The following FREM1 variants were observed in gnomAD, a reference collection of about 807,000 sequenced individuals.
FREM1 encodes the protein FRAS1 related extracellular matrix 1.
Under a neutral mutation model 210.1 loss-of-function variants are expected in FREM1, and 220 were observed. That is an observed-to-expected ratio of 1.05 (90% CI 0.94 to 1.17). The LOEUF is 1.17. Among genes scored for constraint, FREM1 ranks in the 50% most tolerant of loss-of-function variants. The pLI, the probability that FREM1 is intolerant of heterozygous loss-of-function variation, is 0.00. For synonymous variants in FREM1, 1,189 were observed against 980.2 expected (o/e 1.21, Z -3.98); for missense variants, 3,454 against 2,675.5 (o/e 1.29, Z -6.42).
At chr9:14,795,030 A>T in intron 21 of FREM1, among the ~76,000 whole-genome samples, 1 of 151,958 alleles carries the variant, frequency 6.6e-6, no homozygotes, top group Non-Finnish European at 1.5e-5. Context: ...AAAAGAAAGA[A>T]AGAAAAAAAT....
chr9:14,874,005 T>C (rs1833217343), intron 1 of FREM1, among the ~76,000 whole-genome samples: 1 of 152,260 alleles, frequency 6.6e-6, no homozygotes, highest in Non-Finnish European at 1.5e-5. Context: ...TCCTGAGTTC[T>C]AGTTTCATTG....
At chr9:14,847,726 T>C (rs534971765) in intron 7 of FREM1, among the ~76,000 whole-genome samples, 1 of 152,310 alleles carries the variant, frequency 6.6e-6, no homozygotes, top group African/African-American at 2.4e-5. Context: ...GATTCTGATG[T>C]TCAAAGCAGC....
chr9:14,760,662 T>C (rs1845324879), intron 27 of FREM1, among the ~76,000 whole-genome samples: 1 of 152,118 alleles, frequency 6.6e-6, no homozygotes, highest in African/African-American at 2.4e-5. Flanking sequence ...GTTAAGTAAC[T>C]AACTTAAAGG....
At chr9:14,749,256 T>C (rs1373628494) in intron 30 of FREM1, among the ~76,000 whole-genome samples, 2 of 152,134 alleles carry the variant, frequency 1.3e-5, no homozygotes, top group Admixed American at 1.3e-4. Flanking sequence ...GTATTTTATG[T>C]ACTTCATGTG....
At chr9:14,792,521 G>A (rs778933081) in intron 22 of FREM1, among the ~76,000 whole-genome samples, 5 of 152,140 alleles carry the variant, frequency 3.3e-5, no homozygotes, top group Non-Finnish European at 5.9e-5. Flanking sequence ...TAATCCTACG[G>A]GAGAGGGAGC....
At chr9:14,744,107 C>CA (rs760975830) in intron 35 of FREM1, among the ~76,000 whole-genome samples, 2 of 151,720 alleles carry the variant, frequency 1.3e-5, no homozygotes, top group Non-Finnish European at 2.9e-5. Flanking sequence ...ACTTATCAAC[C>CA]AAAAAAACCC....
At chr9:14,791,215 C>G (rs1851250567) in intron 22 of FREM1, 1 of 152,170 alleles carries the variant, frequency 6.6e-6, no homozygotes, top group Admixed American at 6.5e-5. Context: ...CCTTGGGCAT[C>G]ATGCACACAG....
chr9:14,888,799 G>T (rs1211257895), intron 1 of FREM1, among the ~76,000 whole-genome samples: 1 of 151,984 alleles, frequency 6.6e-6, no homozygotes, highest in Admixed American at 6.6e-5. Context: ...AGAAATCATC[G>T]AGGCCATATT....
intron 10 of FREM1, among the ~76,000 whole-genome samples, chr9:14,828,284 A>T (rs1481336722): frequency 6.6e-6 from 1 of 152,220 alleles, no homozygotes; most frequent in East Asian, 1.9e-4. Context: ...GAGTCAAAGA[A>T]GATTATTCAC....
chr9:14,900,654 C>T (rs976861831), intron 1 of FREM1, among the ~76,000 whole-genome samples: 13 of 152,124 alleles, frequency 8.5e-5, no homozygotes, highest in Admixed American at 8.5e-4. Flanking sequence ...TAAAGAAAGA[C>T]AGGACGCTCC....
intron 1 of FREM1, among the ~76,000 whole-genome samples, chr9:14,883,948 G>A (rs995509434): frequency 6.6e-6 from 1 of 152,176 alleles, no homozygotes. Context: ...TAGCCACCTC[G>A]GACTTGATTC....
At chr9:14,908,127 T>C (rs1818103917) in intron 1 of FREM1, among the ~76,000 whole-genome samples, 1 of 152,112 alleles carries the variant, frequency 6.6e-6, no homozygotes, top group Non-Finnish European at 1.5e-5. Flanking sequence ...TTAATATAAA[T>C]ATTAAACGCC....
At chr9:14,808,991 TTCCCCCG>T (rs1315478283) in intron 16 of FREM1, among the ~76,000 whole-genome samples, 1 of 152,190 alleles carries the variant, frequency 6.6e-6, no homozygotes, top group African/African-American at 2.4e-5. Flanking sequence ...GGTTTGGTTG[TTCCCCCG>T]CTCAAATCTC....
intron 10 of FREM1, among the ~76,000 whole-genome samples, chr9:14,831,446 A>G (rs1823539258): frequency 6.6e-6 from 1 of 152,220 alleles, no homozygotes; most frequent in Non-Finnish European, 1.5e-5. Context: ...GCTTTTAACA[A>G]TTAAGAGTAA....
chr9:14,767,064 A>G (rs2132419132), intron 27 of FREM1, among the ~76,000 whole-genome samples: 1 of 152,304 alleles, frequency 6.6e-6, no homozygotes, highest in East Asian at 1.9e-4. Flanking sequence ...TTTCTAAACA[A>G]ATTGTAGTAT....
At chr9:14,847,531 G>A (rs942456207) in intron 7 of FREM1, among the ~76,000 whole-genome samples, 5 of 152,094 alleles carry the variant, frequency 3.3e-5, no homozygotes, top group Admixed American at 2.0e-4. Flanking sequence ...TTGGAAGCCA[G>A]GAGTGCATAG....
At chr9:14,892,801 C>T (rs945402301) in intron 1 of FREM1, among the ~76,000 whole-genome samples, 1 of 152,172 alleles carries the variant, frequency 6.6e-6, no homozygotes, top group Non-Finnish European at 1.5e-5. Context: ...TCCCTGGGCT[C>T]TTCACCTTCC....
intron 25 of FREM1, 50 bp from the exon 26 acceptor site, chr9:14,770,856 C>A: frequency 7.2e-7 from 1 of 1,379,974 alleles, no homozygotes; most frequent in South Asian, 1.3e-5. Flanking sequence ...CCCTCACCCC[C>A]ATGCAACGTT....
chr9:14,767,013 T>C (rs1204223941), intron 27 of FREM1, among the ~76,000 whole-genome samples: 4 of 152,220 alleles, frequency 2.6e-5, no homozygotes, highest in Non-Finnish European at 5.9e-5. Flanking sequence ...GGAGTTTAAA[T>C]ACACAAGATG....
Sources: gnomAD v4.1 joint callset for allele counts (sites outside exome capture counted in the v4.1 genomes callset) on GRCh38, gnomAD v4.1.1 for gene constraint, MANE v1.5 for transcripts, NCBI Gene and HGNC (gene_info 2026-07-23, HGNC 2026-07-21) for gene names.